The following TLK1 variants were observed in gnomAD, a reference collection of about 807,000 sequenced individuals.
The protein encoded by TLK1 is tousled like kinase 1, also known as serine/threonine-protein kinase tousled-like 1.
Under a neutral mutation model 105.3 loss-of-function variants are expected in TLK1, and 24 were observed. The ratio of observed to expected loss-of-function variants is 0.23; its 90% confidence interval spans 0.17 to 0.32. The LOEUF is 0.32. TLK1 is among the 10% of genes least tolerant of loss of function. The probability of loss-of-function intolerance (pLI) is 1.00; values close to 1 mark genes in which losing one functional copy is unlikely to be tolerated. For synonymous variants in TLK1, 321 were observed against 310.4 expected, an observed-to-expected ratio of 1.03 and a Z score of -0.36; for missense variants, 558 against 910.5, an observed-to-expected ratio of 0.61 and a Z score of 4.98.
At chr2:171,105,463 A>G (rs1003738308) in intron 2 of TLK1, among the ~76,000 whole-genome samples, 3 of 152,208 alleles carry the variant, frequency 2.0e-5, no homozygotes, top group Non-Finnish European at 4.4e-5. Context: ...AGGCGGGTGG[A>G]TCACTTGAGG....
intron 1 of TLK1, among the ~76,000 whole-genome samples, chr2:171,126,951 A>C (rs937697033): frequency 2.0e-5 from 3 of 151,906 alleles, no homozygotes; most frequent in African/African-American, 7.3e-5. Context: ...AGTTTTTTTT[A>C]ATGCACTCAA....
intron 1 of TLK1, among the ~76,000 whole-genome samples, chr2:171,226,991 A>T (rs1693909109): frequency 1.3e-5 from 2 of 152,232 alleles, no homozygotes; most frequent in Admixed American, 6.5e-5. Context: ...GGTAGATACA[A>T]AATCATTTTG....
chr2:171,077,196 A>G (rs1465694196), intron 3 of TLK1, among the ~76,000 whole-genome samples: 1 of 152,196 alleles, frequency 6.6e-6, no homozygotes, highest in Non-Finnish European at 1.5e-5. Context: ...AAGTAAGAGA[A>G]AAAGTTATCA....
At chr2:171,127,084 T>C (rs1480952480) in intron 1 of TLK1, among the ~76,000 whole-genome samples, 1 of 152,034 alleles carries the variant, frequency 6.6e-6, no homozygotes, top group Non-Finnish European at 1.5e-5. Context: ...AAGACCAGCC[T>C]GGTAAACATG....
chr2:171,022,084 AAAACACAC>A (rs920311293), intron 12 of TLK1, among the ~76,000 whole-genome samples: 4 of 14,882 alleles, frequency 2.7e-4, no homozygotes, highest in Non-Finnish European at 9.0e-4. Context: ...GCCTGGGCGA[AAAACACAC>A]ACACACACAC....
intron 2 of TLK1, among the ~76,000 whole-genome samples, chr2:171,109,511 C>T (rs929865086): frequency 1.3e-5 from 2 of 152,158 alleles, no homozygotes; most frequent in Non-Finnish European, 2.9e-5. Flanking sequence ...ACACCCACTA[C>T]ACTAAAATGA....
At chr2:171,115,554 A>G (rs1690385646) in intron 2 of TLK1, among the ~76,000 whole-genome samples, 1 of 152,158 alleles carries the variant, frequency 6.6e-6, no homozygotes, top group Admixed American at 6.5e-5. Flanking sequence ...AAGAATTCAA[A>G]AATTTTCATT....
intron 2 of TLK1, among the ~76,000 whole-genome samples, chr2:171,102,220 T>C (rs1250485216): frequency 6.6e-6 from 1 of 152,204 alleles, no homozygotes; most frequent in Non-Finnish European, 1.5e-5. Context: ...CAGATTCTAG[T>C]AAATCCTCAA....
intron 1 of TLK1, among the ~76,000 whole-genome samples, chr2:171,222,838 G>A (rs560345303): frequency 9.5e-5 from 14 of 147,492 alleles, no homozygotes; most frequent in African/African-American, 3.5e-4. Flanking sequence ...TATTTGAGAT[G>A]GAGTCTCGCT....
chr2:170,993,961 A>G lies in TLK1; in HGVS notation c.2125-5T>C, dbSNP rs1300882947. On this transcript the variant is annotated splice_polypyrimidine_tract_variant and splice_region_variant and intron_variant, in intron 20 of 20. Coordinates refer to ENST00000431350, the MANE Select transcript of TLK1 (RefSeq NM_012290.5). ...CAAACAGCGTCTTATAAATGCCTCA[A>G]AAAGAGAAAGGAAATGTTAGCAATT... 1 of 1,587,160 alleles carries G rather than the reference A, an allele frequency of 6.3e-7. No homozygotes were observed. Among genetic ancestry groups the G allele is most frequent in the Non-Finnish European group, 8.6e-7 (1 of 1,168,706 alleles).
chr2:171,053,456 G>A (rs112359179), intron 8 of TLK1, among the ~76,000 whole-genome samples: 7 of 151,834 alleles, frequency 4.6e-5, no homozygotes, highest in African/African-American at 1.4e-4. Flanking sequence ...TCCACCTCCC[G>A]GGTTCAAGCA....
At chr2:171,035,669 G>A (rs1414379159) in intron 11 of TLK1, among the ~76,000 whole-genome samples, 2 of 152,188 alleles carry the variant, frequency 1.3e-5, no homozygotes, top group African/African-American at 4.8e-5. Flanking sequence ...AAGGGTAGCA[G>A]GTGAAATTAA....
intron 7 of TLK1, chr2:171,054,079 T>C (rs748588519): frequency 5.3e-5 from 20 of 374,486 alleles, no homozygotes; most frequent in Non-Finnish European, 8.6e-5. Context: ...AATACTGATG[T>C]TCCTCATTAT....
chr2:171,074,604 G>A (rs1332200622), intron 3 of TLK1, among the ~76,000 whole-genome samples: 2 of 145,144 alleles, frequency 1.4e-5, no homozygotes, highest in Admixed American at 7.2e-5. Flanking sequence ...TCCAACCTGC[G>A]TGACAGAGCG....
intron 2 of TLK1, among the ~76,000 whole-genome samples, chr2:171,097,166 C>T (rs1321177101): frequency 2.0e-5 from 3 of 152,082 alleles, no homozygotes; most frequent in African/African-American, 7.2e-5. Context: ...AGCCCAGAAA[C>T]GAATCCACAC....
chr2:171,163,553 A>G (rs542313803), upstream of TLK1, among the ~76,000 whole-genome samples: 3 of 152,294 alleles, frequency 2.0e-5, no homozygotes, highest in African/African-American at 7.2e-5. Flanking sequence ...TTCCTCATCT[A>G]CGAGAAAGAG....
At chr2:171,114,589 C>T (rs1298615915) in intron 2 of TLK1, among the ~76,000 whole-genome samples, 1 of 152,190 alleles carries the variant, frequency 6.6e-6, no homozygotes, top group African/African-American at 2.4e-5. Context: ...TATTCCAACA[C>T]TTTGGGAGGC....
chr2:171,137,105 T>C (rs1050611001), intron 1 of TLK1, among the ~76,000 whole-genome samples: 4 of 152,104 alleles, frequency 2.6e-5, no homozygotes, highest in Non-Finnish European at 5.9e-5. Flanking sequence ...GGTGGATTGC[T>C]TGAGCTCAGG....
At chr2:170,997,120 AT>A (rs1684103295) in intron 19 of TLK1, among the ~76,000 whole-genome samples, 1 of 152,226 alleles carries the variant, frequency 6.6e-6, no homozygotes, top group African/African-American at 2.4e-5. Context: ...TTTCCAAAGA[AT>A]AAAATACTGT....
Sources: allele counts gnomAD v4.1 joint callset (sites outside exome capture counted in the v4.1 genomes callset), GRCh38; gene constraint gnomAD v4.1.1; transcripts MANE v1.5; gene names NCBI Gene and HGNC (gene_info 2026-07-23, HGNC 2026-07-21).